Variants in AGBL1 observed in about 807,000 individuals in gnomAD.
The protein encoded by AGBL1 is AGBL carboxypeptidase 1, also known as cytosolic carboxypeptidase 4.
AGBL1 carries 130 observed loss-of-function variants against 118.9 expected under a neutral mutation model. The observed-to-expected ratio is 1.09, with a 90% CI of 0.95 to 1.26. The LOEUF is 1.26. Ranked by LOEUF, AGBL1 falls within the 50% of genes most tolerant of loss-of-function variation. The probability of loss-of-function intolerance (pLI) is 0.00; values close to 1 mark genes in which losing one functional copy is unlikely to be tolerated. For synonymous variants in AGBL1, 555 were observed against 478.9 expected (o/e 1.16, Z -2.08); for missense variants, 1,584 against 1,298.1 (o/e 1.22, Z -3.38).
chr15:86,235,215 T>C (rs1221770652), intron 6 of AGBL1, among the ~76,000 whole-genome samples: 1 of 152,248 alleles, frequency 6.6e-6, no homozygotes, highest in African/African-American at 2.4e-5. Flanking sequence ...CTATTCTTCT[T>C]ATTCTTATTT....
intron 22 of AGBL1, among the ~76,000 whole-genome samples, chr15:86,690,079 C>A (rs2086136068): frequency 6.6e-6 from 1 of 151,994 alleles, no homozygotes; most frequent in Admixed American, 6.6e-5. Context: ...CATTTCTGAG[C>A]CACAGAAATG....
chr15:86,433,241 T>TCTCCTC (rs921701396), intron 18 of AGBL1, among the ~76,000 whole-genome samples: 2 of 142,246 alleles, frequency 1.4e-5, no homozygotes, highest in South Asian at 2.4e-4. Flanking sequence ...TCCTCCTCCT[T>TCTCCTC]CTCCTCCTCC....
chr15:86,980,756 CTAT>C (rs1414497732), intron 23 of AGBL1, among the ~76,000 whole-genome samples: 1 of 151,902 alleles, frequency 6.6e-6, no homozygotes, highest in Non-Finnish European at 1.5e-5. Context: ...GTTTCTCTTG[CTAT>C]TATTTTAAAA....
chr15:86,939,970 C>G (rs1306727276), intron 23 of AGBL1, among the ~76,000 whole-genome samples: 19 of 151,582 alleles, frequency 1.3e-4, no homozygotes, highest in Admixed American at 1.1e-3. Flanking sequence ...CAGCCTTGAC[C>G]TCCCAGGCTC....
In AGBL1 at chr15:86,629,474, C is replaced by G. The variant is rs76595849; in HGVS notation, c.2995-44799C>G. ...TACGAAGCCTAAAGGCAAGCTTTAT[C>G]ATCTTGCTTATACAAAGTTAACTAT... On this transcript the variant is annotated intron_variant, in intron 21 of 22. Transcript: ENST00000614907. 5.2e-3 allele frequency among the ~76,000 whole-genome samples: 786 copies of G among 152,240 alleles called. 4 individuals carry two copies. Among genetic ancestry groups the G allele is most frequent in the African/African-American group, 0.018 (754 of 41,542 alleles).
chr15:86,987,970 T>C, intron 23 of AGBL1: 1 of 1,612,054 alleles, frequency 6.2e-7, no homozygotes, highest in Non-Finnish European at 8.5e-7. Context: ...TACCACTCAT[T>C]TATCTGAACA....
At chr15:86,627,233 C>T (rs139578055) in intron 21 of AGBL1, among the ~76,000 whole-genome samples, 4,640 of 152,260 alleles carry the variant, frequency 0.03, 224 homozygotes, top group African/African-American at 0.099. Context: ...CTCCCGACCT[C>T]AGGTGATTCG....
At chr15:86,112,314 C>A (rs1183071911) in intron 1 of AGBL1, among the ~76,000 whole-genome samples, 1 of 152,100 alleles carries the variant, frequency 6.6e-6, no homozygotes, top group African/African-American at 2.4e-5. Flanking sequence ...GTTTGTCATT[C>A]CACATCTTGT....
chr15:86,654,777 C>T (rs1018667924), intron 21 of AGBL1, among the ~76,000 whole-genome samples: 1 of 151,966 alleles, frequency 6.6e-6, no homozygotes, highest in Non-Finnish European at 1.5e-5. Context: ...GATGATGGGC[C>T]CTGCCTAGTC....
At chr15:86,869,963 G>A (rs542958120) in intron 22 of AGBL1, among the ~76,000 whole-genome samples, 4 of 152,238 alleles carry the variant, frequency 2.6e-5, no homozygotes, top group South Asian at 2.1e-4. Flanking sequence ...TGCAAAATAG[G>A]CTAATCCATT....
intron 19 of AGBL1, among the ~76,000 whole-genome samples, chr15:86,545,717 A>T (rs1217573905): frequency 6.6e-6 from 1 of 152,146 alleles, no homozygotes; most frequent in Non-Finnish European, 1.5e-5. Flanking sequence ...AAGTAAATTT[A>T]TCAAAAGAGC....
intron 22 of AGBL1, among the ~76,000 whole-genome samples, chr15:86,768,742 T>A (rs562557987): frequency 6.6e-6 from 1 of 152,118 alleles, no homozygotes; most frequent in East Asian, 1.9e-4. Context: ...CTTTTTAACA[T>A]GTATAGTCGT....
intron 5 of AGBL1, among the ~76,000 whole-genome samples, chr15:86,207,853 A>G (rs1403067225): frequency 3.3e-5 from 5 of 152,144 alleles, no homozygotes; most frequent in African/African-American, 1.2e-4. Flanking sequence ...CACTATGTTG[A>G]ATAGGAGTGG....
chr15:86,781,453 C>T (rs998194921), intron 22 of AGBL1, among the ~76,000 whole-genome samples: 1 of 141,422 alleles, frequency 7.1e-6, no homozygotes, highest in Non-Finnish European at 1.6e-5. Context: ...AAACATGAGG[C>T]AATGTATTCT....
rs1209105128 is a variant in AGBL1, at chr15:86,817,700, G to C, written c.3159-89387G>C. 2.0e-5 allele frequency among the ~76,000 whole-genome samples: 3 copies of C among 151,846 alleles called. No individual in the cohort carries two copies. The South Asian group carries it at 6.3e-4, about 32-fold the overall frequency. On this transcript the variant is annotated intron_variant, in intron 22 of 22. Coordinates refer to ENST00000614907, the MANE Select transcript of AGBL1 (RefSeq NM_001386094.1). ...ACAGGAGAGAGAGTGCTGGGAGAGG[G>C]TATGGGTTGAATTGTGGTCCTCCAA... is the stretch of plus-strand genomic sequence containing the variant.
chr15:86,439,766 G>C (rs1404156587), intron 18 of AGBL1, among the ~76,000 whole-genome samples: 1 of 152,180 alleles, frequency 6.6e-6, no homozygotes, highest in Non-Finnish European at 1.5e-5. Context: ...GTTATGAAAT[G>C]AGTTAAATTC....
chr15:86,244,672 C>T (rs1399070672), intron 6 of AGBL1, among the ~76,000 whole-genome samples: 1 of 151,798 alleles, frequency 6.6e-6, no homozygotes, highest in Non-Finnish European at 1.5e-5. Flanking sequence ...TCTTTCTCCC[C>T]CCACCAAAAA....
chr15:86,924,720 T>C (rs1406628844), intron 23 of AGBL1, among the ~76,000 whole-genome samples: 2 of 152,122 alleles, frequency 1.3e-5, no homozygotes, highest in Non-Finnish European at 2.9e-5. Flanking sequence ...ATAGTTTCCA[T>C]GTGCACGATA....
chr15:86,388,036 T>C (rs913220453), intron 17 of AGBL1, among the ~76,000 whole-genome samples: 1 of 151,994 alleles, frequency 6.6e-6, no homozygotes, highest in African/African-American at 2.4e-5. Flanking sequence ...TGAAGGCAAA[T>C]GGTTTGGAAA....
Sources: gnomAD v4.1 joint callset for allele counts (sites outside exome capture counted in the v4.1 genomes callset) on GRCh38, gnomAD v4.1.1 for gene constraint, MANE v1.5 for transcripts, NCBI Gene and HGNC (gene_info 2026-07-23, HGNC 2026-07-21) for gene names.